Variants in RANBP2 observed in about 807,000 individuals in gnomAD.
RANBP2 encodes the protein RAN binding protein 2, also known as E3 SUMO-protein ligase RanBP2.
A neutral mutation model predicts 303.6 loss-of-function variants in RANBP2; 57 were observed. The ratio of observed to expected loss-of-function variants is 0.19; its 90% CI spans 0.15 to 0.23. The LOEUF (loss-of-function observed/expected upper bound fraction) is 0.23, where lower values mean the gene tolerates loss of function less well. Ranked by LOEUF, RANBP2 falls within the 10% of genes least tolerant of loss-of-function variation. RANBP2 has a pLI of 1.00. For synonymous variants in RANBP2, 1,167 were observed against 1,301.5 expected (o/e 0.90, Z 2.23); for missense variants, 3,138 against 3,780.8 (o/e 0.83, Z 4.46).
the RANBP2 span, among the ~76,000 whole-genome samples, chr2:109,110,912 C>A: frequency 6.6e-6 from 1 of 152,190 alleles, no homozygotes; most frequent in Non-Finnish European, 1.5e-5. Context: ...TGTGGCAGAG[C>A]AGCAGAACGG....
At chr2:108,873,829 G>A in the RANBP2 span, among the ~76,000 whole-genome samples, 4 of 152,090 alleles carry the variant, frequency 2.6e-5, no homozygotes, top group Non-Finnish European at 5.9e-5. Flanking sequence ...GCCATCCTGG[G>A]CCGCATGCAG....
At chr2:108,995,621 G>A in the RANBP2 span, among the ~76,000 whole-genome samples, 1 of 152,212 alleles carries the variant, frequency 6.6e-6, no homozygotes, top group Non-Finnish European at 1.5e-5. Context: ...TCTGCTCAGA[G>A]CAATATGCCT....
the RANBP2 span, among the ~76,000 whole-genome samples, chr2:109,489,121 T>G: frequency 6.6e-6 from 1 of 152,244 alleles, no homozygotes; most frequent in Non-Finnish European, 1.5e-5. Context: ...GGATCCACAC[T>G]TGCCCAGGGC....
chr2:108,786,053 A>G (rs1472041859), downstream of RANBP2, among the ~76,000 whole-genome samples: 1 of 152,056 alleles, frequency 6.6e-6, no homozygotes, highest in African/African-American at 2.4e-5. Flanking sequence ...TTTGTTTAAC[A>G]TAGGTTTTCA....
chr2:109,224,112 A>G, the RANBP2 span, among the ~76,000 whole-genome samples: 1 of 152,220 alleles, frequency 6.6e-6, no homozygotes, highest in Non-Finnish European at 1.5e-5. Context: ...TTTTACACAA[A>G]AAGAAACTGA....
At position 108,751,882 on chromosome 2, in the gene RANBP2, T is replaced by C. The variant is rs3872469; in HGVS notation, c.1643T>C (p.Val548Ala). The C allele has an allele frequency of 1.2e-5, 20 of 1,611,824 alleles. 1 individual carries two copies. Among genetic ancestry groups the C allele is most frequent in the South Asian group, 6.6e-5 (6 of 90,986 alleles). The part of the protein sequence containing the change: ...LIHRKAVPGN[V>A]AKLRLLVQHE... ...GAACTATTTTTTAGACCTGGAAACG[T>C]AGCAAAATTGAGACTTCTAGTTCAG... The change falls in exon 12 of 29, where the codon GTA (valine) becomes GCA (alanine). Residue 548 changes from valine to alanine, a missense_variant. By Grantham distance (64) the Val-to-Ala change is moderately conservative. Coordinates refer to ENST00000283195, the MANE Select transcript of RANBP2 (RefSeq NM_006267.5).
chr2:109,615,582 G>A, the RANBP2 span: 4 of 1,614,128 alleles, frequency 2.5e-6, no homozygotes, highest in Non-Finnish European at 3.4e-6. Context: ...GGGGGCCTAC[G>A]ACGCCGATGT....
chr2:109,607,816 T>G, the RANBP2 span, among the ~76,000 whole-genome samples: 1 of 152,164 alleles, frequency 6.6e-6, no homozygotes, highest in Non-Finnish European at 1.5e-5. Context: ...CTGACTTCCT[T>G]GATTCCCAGG....
At chr2:109,264,379 C>T in the RANBP2 span, among the ~76,000 whole-genome samples, 52 of 151,998 alleles carry the variant, frequency 3.4e-4, no homozygotes, top group Non-Finnish European at 6.2e-4. Context: ...CGTCCACCTC[C>T]CCAGGATCCA....
At chr2:108,966,857 T>A in the RANBP2 span, among the ~76,000 whole-genome samples, 96,765 of 152,098 alleles carry the variant, frequency 0.64, 34,633 homozygotes, top group Non-Finnish European at 0.82. Context: ...ACAACTCCAC[T>A]AACATGATGA....
Position 108,731,489 on chromosome 2 carries a change from C to T in RANBP2, c.405+15C>T. On this transcript the variant is annotated intron_variant, in intron 4 of 28. Coordinates refer to ENST00000283195, the MANE Select transcript of RANBP2 (RefSeq NM_006267.5). Reference sequence around the variant, plus strand: ...ATAAACTAAAGGTAAACAAACAAAACATAAAGGGAGAAAACTTAAGACATA... The same window carrying T: ...ATAAACTAAAGGTAAACAAACAAAATATAAAGGGAGAAAACTTAAGACATA... 1.9e-6 allele frequency: 3 copies of T among 1,610,714 alleles called. No homozygotes were observed. The South Asian group carries it at 3.3e-5, about 18-fold the overall frequency.
At chr2:108,815,828 T>C in the RANBP2 span, 1 of 878,538 alleles carries the variant, frequency 1.1e-6, no homozygotes, top group East Asian at 2.6e-5. Flanking sequence ...CTTAACACAT[T>C]TTAGTGAATT....
the RANBP2 span, among the ~76,000 whole-genome samples, chr2:109,409,855 G>A: frequency 1.3e-5 from 2 of 152,128 alleles, no homozygotes; most frequent in African/African-American, 4.8e-5. Context: ...GTGTAATGGA[G>A]TGGTAGCGAG....
chr2:109,383,298 G>T, the RANBP2 span, among the ~76,000 whole-genome samples: 1 of 152,364 alleles, frequency 6.6e-6, no homozygotes, highest in East Asian at 1.9e-4. Flanking sequence ...GCACACCCAT[G>T]TGGAGTCACT....
chr2:109,360,612 A>G, the RANBP2 span, among the ~76,000 whole-genome samples: 1 of 152,240 alleles, frequency 6.6e-6, no homozygotes, highest in South Asian at 2.1e-4. Flanking sequence ...AGCATTTCAA[A>G]TAAAAGATAC....
chr2:109,559,891 A>G, the RANBP2 span, among the ~76,000 whole-genome samples: 1 of 142,338 alleles, frequency 7.0e-6, no homozygotes, highest in Non-Finnish European at 1.5e-5. Context: ...GTCCAGACCT[A>G]TGTAGCCTCC....
Position 108,763,777 on chromosome 2 carries a change from G to C in RANBP2, c.3238G>C (p.Gly1080Arg). 1 of 1,614,110 alleles carries C rather than the reference G, an allele frequency of 6.2e-7. No individual in the cohort carries two copies. Among genetic ancestry groups the C allele is most frequent in the African/African-American group, 1.3e-5 (1 of 75,032 alleles). ...LTSDKPLQGD[G>R]YSGAKPIPGG... ...TTCAGATAAACCCTTGCAAGGAGAT[G>C]GCTATAGTGGAGCCAAACCAATTCC... The change falls in exon 20 of 29, where the codon GGC becomes CGC. Residue 1080 changes from glycine to arginine, a missense_variant. This residue lies in a region of RANBP2 where 403 missense variants were observed against 376.7 expected (regional missense o/e 1.07). Coordinates refer to ENST00000283195, the MANE Select transcript of RANBP2 (RefSeq NM_006267.5).
the RANBP2 span, among the ~76,000 whole-genome samples, chr2:109,373,249 C>T: frequency 6.6e-6 from 1 of 152,204 alleles, no homozygotes; most frequent in African/African-American, 2.4e-5. Flanking sequence ...GCGCGAATAC[C>T]ACTTACAATG....
At chr2:109,391,775 C>A in the RANBP2 span, among the ~76,000 whole-genome samples, 1 of 152,200 alleles carries the variant, frequency 6.6e-6, no homozygotes, top group Non-Finnish European at 1.5e-5. Context: ...TAGCTGGCAT[C>A]TGTCCCATAT....
Sources: allele counts gnomAD v4.1 joint callset (sites outside exome capture counted in the v4.1 genomes callset), GRCh38; gene constraint gnomAD v4.1.1; regional missense constraint gnomAD v4.1.1; transcripts MANE v1.5; gene names NCBI Gene and HGNC (gene_info 2026-07-23, HGNC 2026-07-21).